The following SFRP4 variants were observed in gnomAD, a reference collection of about 807,000 sequenced individuals.
SFRP4 encodes secreted frizzled related protein 4.
A neutral mutation model predicts 36.3 loss-of-function variants in SFRP4; 25 were observed. The ratio of observed to expected loss-of-function variants is 0.69; its 90% CI spans 0.50 to 0.96. The LOEUF (loss-of-function observed/expected upper bound fraction) is 0.96. SFRP4 is among the 40% of genes least tolerant of loss of function. SFRP4 has a pLI of 0.00. For missense variants in SFRP4, 487 were observed against 459.6 expected (o/e 1.06, Z -0.54); for synonymous variants, 182 against 168.8 (o/e 1.08, Z -0.60).
At chr7:37,910,651 A>G (rs973689353) in intron 4 of SFRP4, among the ~76,000 whole-genome samples, 1 of 152,084 alleles carries the variant, frequency 6.6e-6, no homozygotes, top group Non-Finnish European at 1.5e-5. Flanking sequence ...ATATTTATCT[A>G]TTTAATCCAT....
chr7:37,916,561 C>A lies in SFRP4; in HGVS notation c.-24G>T. ...ATGGCACTGCCCTCTCGCGCTGCGA[C>A]CCCGGCAGACAGAAAGCGCCCTTCT... On this transcript the variant is annotated 5_prime_UTR_variant, in exon 1 of 6. Coordinates refer to ENST00000436072, the MANE Select transcript of SFRP4 (RefSeq NM_003014.4). This position sits in a 1 kb window ranked among gnomAD's most constrained non-coding sequence, Gnocchi z 4.1. 1 of 1,590,160 alleles carries A rather than the reference C, an allele frequency of 6.3e-7. No individual in the cohort carries two copies. Among genetic ancestry groups the A allele is most frequent in the Non-Finnish European group, 8.5e-7 (1 of 1,170,344 alleles).
intron 1 of SFRP4, among the ~76,000 whole-genome samples, chr7:37,915,000 C>T (rs74331574): frequency 0.021 from 3,253 of 152,306 alleles, 110 homozygotes; most frequent in African/African-American, 0.074. Flanking sequence ...AAGCACAAAT[C>T]GATGTGAATG....
rs749353814 is a variant in SFRP4 at position 37,916,622 on chromosome 7, C to G, written c.-85G>C. The G allele has an allele frequency of 2.0e-6, 3 of 1,502,430 alleles. No homozygotes were observed. The highest frequency in any genetic ancestry group is 2.7e-6 in the Non-Finnish European group (3 of 1,124,652). The allele number at this position is 1,502,430 out of a possible 1,614,324, so 93.1% of individuals were successfully genotyped here. Reference sequence around the variant, plus strand: ...CCCTCATCTTTCGCTGTCCCTTCGCCGAGGAAGAAATCCTCTGGGGCGCAG... The same window carrying G: ...CCCTCATCTTTCGCTGTCCCTTCGCGGAGGAAGAAATCCTCTGGGGCGCAG... On this transcript the variant is annotated 5_prime_UTR_variant, in exon 1 of 6. Coordinates refer to ENST00000436072, the MANE Select transcript of SFRP4 (RefSeq NM_003014.4). This position sits in a 1 kb window ranked among gnomAD's most constrained non-coding sequence, Gnocchi z 4.1.
At position 37,916,035 on chromosome 7, in the gene SFRP4, T is replaced by C. The variant is rs1197990672; in HGVS notation, c.445+58A>G. ...TTAGGTGTGGCCGCCCAGTTCTCGA[T>C]TGGCAGCCACAGCCCCGGGCGCCTC... On this transcript the variant is annotated intron_variant, in intron 1 of 5. Coordinates refer to ENST00000436072, the MANE Select transcript of SFRP4 (RefSeq NM_003014.4). This position sits in a 1 kb window ranked among gnomAD's most constrained non-coding sequence, Gnocchi z 4.1. 3.9e-6 allele frequency: 6 copies of C among 1,555,780 alleles called. No homozygotes were observed. The highest frequency in any genetic ancestry group is 4.5e-5 in the East Asian group (2 of 44,204).
chr7:37,913,425 T>G (rs916353723), intron 3 of SFRP4, among the ~76,000 whole-genome samples: 1 of 152,240 alleles, frequency 6.6e-6, no homozygotes. Flanking sequence ...AACCACTTTA[T>G]GTTATTTCAG....
chr7:37,916,026 A>G lies in SFRP4; in HGVS notation c.445+67T>C. On this transcript the variant is annotated intron_variant, in intron 1 of 5. Transcript: ENST00000436072. The surrounding 1 kb of genome is among the most constrained non-coding windows in gnomAD (Gnocchi z 4.1). ...CTGGCAGCCTTAGGTGTGGCCGCCC[A>G]GTTCTCGATTGGCAGCCACAGCCCC... 2.6e-6 allele frequency: 4 copies of G among 1,547,730 alleles called. No individual in the cohort carries two copies. Among genetic ancestry groups the G allele is most frequent in the Non-Finnish European group, 3.5e-6 (4 of 1,145,522 alleles).
chr7:37,915,948 T>C (rs1785566835), intron 1 of SFRP4, 145 bp downstream of exon 1: 2 of 1,273,530 alleles, frequency 1.6e-6, no homozygotes, highest in South Asian at 3.2e-5. Context: ...AGACTTTTTC[T>C]GAAGAAAATG....
rs773359062 is a variant in SFRP4, at chr7:37,907,440, T to C, written c.*39A>G. 1 of 1,578,132 alleles carries C rather than the reference T, an allele frequency of 6.3e-7. No individual in the cohort carries two copies. Among genetic ancestry groups the C allele is most frequent in the Non-Finnish European group, 8.6e-7 (1 of 1,156,356 alleles). On this transcript the variant is annotated 3_prime_UTR_variant, in exon 6 of 6. Transcript: ENST00000436072. ...CCAGGCAATGCCCAGCCTCATCCTGTAAGGAAGTCGGAAGTCTCCGCTTTG... is the reference window on the plus strand; with the variant it reads ...CCAGGCAATGCCCAGCCTCATCCTGCAAGGAAGTCGGAAGTCTCCGCTTTG...
chr7:37,916,782 G>C lies in SFRP4; in HGVS notation c.-245C>G. On this transcript the variant is annotated 5_prime_UTR_variant, in exon 1 of 6. Transcript: ENST00000436072. This position sits in a 1 kb window ranked among gnomAD's most constrained non-coding sequence, Gnocchi z 4.1. ...TTCGGGGCGCGAACCCGCCCGGGCA[G>C]CTCCAGTCCCGGACTCCGCAGCTCG... 1 of 601,640 alleles carries C rather than the reference G, an allele frequency of 1.7e-6. No individual in the cohort carries two copies. The highest frequency in any genetic ancestry group is 2.9e-6 in the Non-Finnish European group (1 of 343,504). The allele number at this position is 601,640 out of a possible 1,614,324, so 37.3% of individuals were successfully genotyped here. A position where few individuals can be genotyped will look rare whatever the true frequency, so the allele number is the denominator to read the frequency against.
intron 5 of SFRP4, among the ~76,000 whole-genome samples, chr7:37,908,361 C>G (rs1785431408): frequency 1.3e-5 from 2 of 152,200 alleles, no homozygotes; most frequent in Non-Finnish European, 2.9e-5. Flanking sequence ...GCAGATGTGC[C>G]TGCTTGGCTA....
chr7:37,909,616 C>T lies in SFRP4; in HGVS notation c.855+1G>A, dbSNP rs1188298120. On this transcript the variant is annotated splice_donor_variant, in intron 5 of 5. Transcript: ENST00000436072. LOFTEE classifies it high-confidence loss of function. ...TTCACAGCATTGTTCATGATACTTA[C>T]TATGGATCTTTTACTAAGCTGATCT... is the stretch of plus-strand genomic sequence containing the variant. 3 of 1,545,050 alleles carry T rather than the reference C, an allele frequency of 1.9e-6. No homozygotes were observed. Among genetic ancestry groups the T allele is most frequent in the East Asian group, 4.7e-5 (2 of 42,528 alleles).
chr7:37,912,084 T>C (rs1785497119), intron 4 of SFRP4, 35 bp downstream of exon 4: 1 of 1,507,684 alleles, frequency 6.6e-7, no homozygotes, highest in African/African-American at 1.4e-5. Context: ...TTCCTAACAG[T>C]GTGCATACAG....
chr7:37,910,507 A>G (rs17171204), intron 4 of SFRP4, among the ~76,000 whole-genome samples: 1,652 of 152,012 alleles, frequency 0.011, 28 homozygotes, highest in African/African-American at 0.038. Context: ...TATGTATAAT[A>G]TTATGCAGTC....
rs1304864884 is a variant in SFRP4 at position 37,912,248 on chromosome 7, T to G, written c.662A>C (p.Lys221Thr). The G allele has an allele frequency of 1.2e-6, 2 of 1,614,036 alleles. No homozygotes were observed. The highest frequency in any genetic ancestry group is 2.7e-5 in the African/African-American group (2 of 74,924). ...CNEVTTVVDV[K>T]EIFKSSSPIP... ...GGGTGATGAGGACTTGAAGATCTCT[T>G]TTACATCCACCACCGTTGTGACCTC... The change falls in exon 4 of 6, where the codon AAA becomes ACA. Residue 221 changes from lysine to threonine, a missense_variant. Lys to Thr is a moderately conservative substitution (Grantham distance 78, BLOSUM62 -1). Coordinates refer to ENST00000436072, the MANE Select transcript of SFRP4 (RefSeq NM_003014.4).
At position 37,916,551 on chromosome 7, in the gene SFRP4, C is replaced by G; in HGVS notation, c.-14G>C. ...GGAGAGGAACATGGCACTGCCCTCT[C>G]GCGCTGCGACCCCGGCAGACAGAAA... On this transcript the variant is annotated 5_prime_UTR_variant, in exon 1 of 6. Transcript: ENST00000436072. This position sits in a 1 kb window ranked among gnomAD's most constrained non-coding sequence, Gnocchi z 4.1. 6.3e-7 allele frequency: 1 copy of G among 1,594,934 alleles called. No individual in the cohort carries two copies. Among genetic ancestry groups the G allele is most frequent in the Non-Finnish European group, 8.5e-7 (1 of 1,172,426 alleles).
rs867831044 is a variant in SFRP4, at chr7:37,907,516, C to T, written c.1004G>A (p.Arg335Lys). Reference protein sequence around the residue: ...PASPKKNIKTRSAQKRTNPKR... With the variant: ...PASPKKNIKTKSAQKRTNPKR... The stretch of plus-strand genomic sequence containing the variant: ...CGGGTTTGTTCTCTTCTGGGCACTC[C>T]TAGTTTTAATGTTCTTCTTGGGACT... Residue 335 changes from arginine to lysine, a missense_variant, in exon 6 of 6, where the codon AGG becomes AAG. Arg to Lys is a conservative substitution (Grantham distance 26). Transcript: ENST00000436072. 6.2e-7 allele frequency: 1 copy of T among 1,613,902 alleles called. No homozygotes were observed. The highest frequency in any genetic ancestry group is 8.5e-7 in the Non-Finnish European group (1 of 1,179,876).
rs573373764 is a variant in SFRP4, at chr7:37,906,421, T to C, written c.*1058A>G. On this transcript the variant is annotated 3_prime_UTR_variant, in exon 6 of 6. Transcript: ENST00000436072. ...TGCAAGATAAGTTCTTTTTTTCTGA[T>C]TAAAGTATCCCAACTGTCAAGTAAT... The C allele has an allele frequency of 1.4e-4, 21 of 152,330 alleles. No homozygotes were observed. The highest frequency in any genetic ancestry group is 4.3e-4 in the African/African-American group (18 of 41,586). The allele number at this position is 152,330 out of a possible 1,614,324, so 9.4% of individuals were successfully genotyped here.
intron 3 of SFRP4, among the ~76,000 whole-genome samples, chr7:37,914,005 G>C (rs1007936875): frequency 1.3e-5 from 2 of 152,146 alleles, no homozygotes; most frequent in Non-Finnish European, 2.9e-5. Flanking sequence ...CATTTCCTTT[G>C]TTTGCACTTG....
chr7:37,913,364 A>G (rs1358032374), intron 3 of SFRP4, among the ~76,000 whole-genome samples: 1 of 152,154 alleles, frequency 6.6e-6, no homozygotes, highest in African/African-American at 2.4e-5. Flanking sequence ...ATAAAATTTC[A>G]ATCTGCAAGA....
Sources: allele counts gnomAD v4.1 joint callset (sites outside exome capture counted in the v4.1 genomes callset), GRCh38; gene constraint gnomAD v4.1.1; non-coding constraint Gnocchi (gnomAD v3.1); transcripts MANE v1.5; gene names NCBI Gene and HGNC (gene_info 2026-07-23, HGNC 2026-07-21).